Variants in NUP153 observed in about 807,000 individuals in gnomAD.
The protein encoded by NUP153 is nuclear pore complex protein Nup153.
NUP153 carries 27 observed loss-of-function variants against 134.6 expected under a neutral mutation model. The observed-to-expected ratio is 0.20, with a 90% CI of 0.15 to 0.28. NUP153 has a LOEUF of 0.28. Ranked by LOEUF, NUP153 falls within the 10% of genes least tolerant of loss-of-function variation. NUP153 has a pLI of 1.00. For synonymous variants in NUP153, 640 were observed against 623.5 expected (o/e 1.03, Z -0.40); for missense variants, 1,821 against 1,731.3 (o/e 1.05, Z -0.92).
intron 16 of NUP153, among the ~76,000 whole-genome samples, chr6:17,633,379 A>G (rs1765361149): frequency 6.6e-6 from 1 of 152,226 alleles, no homozygotes; most frequent in South Asian, 2.1e-4. Context: ...CTTCACATCC[A>G]CTTCACAATC....
At chr6:17,657,688 C>G (rs180820100) in intron 11 of NUP153, among the ~76,000 whole-genome samples, 2 of 152,206 alleles carry the variant, frequency 1.3e-5, no homozygotes, top group Admixed American at 1.3e-4. Context: ...TTTCCTCATA[C>G]AGAGATAAAC....
intron 1 of NUP153, among the ~76,000 whole-genome samples, chr6:17,695,724 AGG>A (rs1344506872): frequency 2.0e-5 from 3 of 152,166 alleles, no homozygotes; most frequent in Non-Finnish European, 2.9e-5. Context: ...AAGAGTTAAC[AGG>A]GGGCTGGGCA....
chr6:17,660,115 C>A (rs912001451), intron 11 of NUP153, among the ~76,000 whole-genome samples: 5 of 152,142 alleles, frequency 3.3e-5, no homozygotes, highest in Admixed American at 2.0e-4. Context: ...CTAGGAAAAG[C>A]ATAGTTAAAA....
intron 2 of NUP153, among the ~76,000 whole-genome samples, chr6:17,681,045 A>G (rs144834845): frequency 0.019 from 2,958 of 152,248 alleles, 31 homozygotes; most frequent in Middle Eastern, 0.037. Flanking sequence ...GAATGGACAA[A>G]GAAACTGTGC....
At chr6:17,642,104 A>G (rs936720932) in intron 14 of NUP153, among the ~76,000 whole-genome samples, 1 of 152,204 alleles carries the variant, frequency 6.6e-6, no homozygotes, top group African/African-American at 2.4e-5. Flanking sequence ...AATATCCTAA[A>G]TATGACATAA....
rs1021134837 is a variant in NUP153 at position 17,662,207 on chromosome 6, A to G, written c.1216-137T>C. ...TAGTTAATGAATCCTGAAATTTGAAATTACACCCTGCCTTCTGAATGGTAA... is the reference window on the plus strand; with the variant it reads ...TAGTTAATGAATCCTGAAATTTGAAGTTACACCCTGCCTTCTGAATGGTAA... On this transcript the variant is annotated intron_variant, in intron 9 of 21. Coordinates refer to ENST00000262077, the MANE Select transcript of NUP153 (RefSeq NM_005124.4). 23 of 733,452 alleles carry G rather than the reference A, an allele frequency of 3.1e-5. No individual in the cohort carries two copies. In the African/African-American group the frequency reaches 3.8e-4, roughly 12 times the overall value. The allele number at this position is 733,452 out of a possible 1,614,324, so 45.4% of individuals were successfully genotyped here. A position where few individuals can be genotyped will look rare whatever the true frequency, so the allele number is the denominator to read the frequency against.
intron 20 of NUP153, among the ~76,000 whole-genome samples, chr6:17,619,858 G>T (rs1282175524): frequency 6.6e-6 from 1 of 152,112 alleles, no homozygotes; most frequent in African/African-American, 2.4e-5. Flanking sequence ...AGCAGTTTGG[G>T]AGGCCGAGGC....
intron 8 of NUP153, among the ~76,000 whole-genome samples, chr6:17,668,661 G>A (rs1029778821): frequency 4.6e-5 from 7 of 151,920 alleles, no homozygotes; most frequent in African/African-American, 1.2e-4. Context: ...TAGCCAAAAC[G>A]GTGAAACCCT....
chr6:17,670,409 G>A (rs536302883), intron 5 of NUP153, among the ~76,000 whole-genome samples: 3 of 152,162 alleles, frequency 2.0e-5, no homozygotes, highest in African/African-American at 7.2e-5. Context: ...TGTTAAACTC[G>A]CTTATTAGTT....
At position 17,616,463 on chromosome 6, in the gene NUP153, A is replaced by C. The variant is rs535212004; in HGVS notation, c.4343+64T>G. ...GGAATCTTGATGACTTTTAAAAACA[A>C]AACATATACATGCACATACCCTTAC... On this transcript the variant is annotated intron_variant, in intron 21 of 21. Coordinates refer to ENST00000262077, the MANE Select transcript of NUP153 (RefSeq NM_005124.4). 2.8e-6 allele frequency: 4 copies of C among 1,421,052 alleles called. No individual in the cohort carries two copies. In the East Asian group the frequency reaches 9.3e-5, roughly 33 times the overall value. The allele number at this position is 1,421,052 out of a possible 1,614,324, so 88.0% of individuals were successfully genotyped here. A position where few individuals can be genotyped will look rare whatever the true frequency, so the allele number is the denominator to read the frequency against.
At chr6:17,678,667 G>A (rs549657111) in intron 2 of NUP153, among the ~76,000 whole-genome samples, 10 of 152,174 alleles carry the variant, frequency 6.6e-5, no homozygotes, top group South Asian at 6.2e-4. Context: ...GTCTTGGCTG[G>A]ACACAGTGGC....
chr6:17,624,583 G>A lies in NUP153; in HGVS notation c.4152C>T (p.Gly1384=), dbSNP rs542905767. 1 of 1,614,160 alleles carries A rather than the reference G, an allele frequency of 6.2e-7. No homozygotes were observed. The highest frequency in any genetic ancestry group is 8.5e-7 in the Non-Finnish European group (1 of 1,180,022). ...FGQQPSQSAF[G]SGTTPNSSSA... is the part of the protein sequence containing the mutation. ...TACTAGAATTAGGAGTTGTTCCAGA[G>A]CCAAATGCAGACTGACTAGGTTGCT... The change falls in exon 20 of 22, where the codon GGC becomes GGT. Residue 1384 remains glycine (G), a synonymous_variant. Transcript: ENST00000262077.
At chr6:17,672,823 A>T (rs1216133646) in intron 5 of NUP153, among the ~76,000 whole-genome samples, 1 of 152,206 alleles carries the variant, frequency 6.6e-6, no homozygotes, top group East Asian at 1.9e-4. Context: ...TTCATTTTTT[A>T]AAAAAACTTT....
At chr6:17,668,796 T>A (rs1029558105) in intron 8 of NUP153, among the ~76,000 whole-genome samples, 179 bp downstream of exon 8, 2 of 151,580 alleles carry the variant, frequency 1.3e-5, no homozygotes, top group Non-Finnish European at 2.9e-5. Flanking sequence ...TGAGTCAAGA[T>A]GGCACCACTG....
intron 1 of NUP153, among the ~76,000 whole-genome samples, chr6:17,700,916 G>A (rs1770013742): frequency 1.3e-5 from 2 of 152,178 alleles, no homozygotes; most frequent in African/African-American, 4.8e-5. Context: ...CTGATAAAGA[G>A]GTTTCCTTCC....
chr6:17,627,938 T>G (rs1267514282), intron 18 of NUP153, among the ~76,000 whole-genome samples: 1 of 152,246 alleles, frequency 6.6e-6, no homozygotes, highest in Non-Finnish European at 1.5e-5. Context: ...CTGTCACTTC[T>G]TTGATATTTC....
intron 8 of NUP153, among the ~76,000 whole-genome samples, chr6:17,666,242 C>T (rs555351400): frequency 7.2e-5 from 11 of 152,096 alleles, no homozygotes; most frequent in African/African-American, 1.2e-4. Flanking sequence ...ATGGGCCAGG[C>T]GTGGTGGCTC....
chr6:17,639,440 A>T (rs1581687630), intron 15 of NUP153, among the ~76,000 whole-genome samples: 1 of 152,310 alleles, frequency 6.6e-6, no homozygotes, highest in East Asian at 1.9e-4. Context: ...TTTCAAACAA[A>T]AAATTATTCT....
chr6:17,659,417 T>C (rs1441684232), intron 11 of NUP153, among the ~76,000 whole-genome samples: 1 of 152,260 alleles, frequency 6.6e-6, no homozygotes, highest in Non-Finnish European at 1.5e-5. Flanking sequence ...ATTACTTTTG[T>C]ACCAACCTAA....
Sources: gnomAD v4.1 joint callset for allele counts (sites outside exome capture counted in the v4.1 genomes callset) on GRCh38, gnomAD v4.1.1 for gene constraint, MANE v1.5 for transcripts, NCBI Gene and HGNC (gene_info 2026-07-23, HGNC 2026-07-21) for gene names.